TPO: variants seen among roughly 807,000 people sequenced by gnomAD.
TPO encodes the protein thyroid peroxidase.
A neutral mutation model predicts 96.9 loss-of-function variants in TPO; 78 were observed. That is an observed-to-expected ratio of 0.81 (90% CI 0.67 to 0.97). The LOEUF (loss-of-function observed/expected upper bound fraction) is 0.97, where lower values mean the gene tolerates loss of function less well. Among genes scored for constraint, TPO ranks in the 50% least tolerant of loss-of-function variants. The pLI is 0.00. For synonymous variants in TPO, 547 were observed against 538.0 expected (o/e 1.02, Z -0.23); for missense variants, 1,252 against 1,274.8 (o/e 0.98, Z 0.27).
chr2:1,380,271 G>A (rs1016738639), intron 1 of TPO, among the ~76,000 whole-genome samples: 18 of 151,640 alleles, frequency 1.2e-4, no homozygotes, highest in African/African-American at 4.1e-4. Context: ...GCGGGCGCCT[G>A]TAGTCCCAGC....
intron 10 of TPO, among the ~76,000 whole-genome samples, chr2:1,491,219 C>T (rs1481010282): frequency 1.3e-5 from 2 of 151,962 alleles, no homozygotes; most frequent in African/African-American, 4.8e-5. Context: ...TCTGCAGTGT[C>T]TCCCACAGGC....
chr2:1,453,172 C>A (rs990020953), intron 5 of TPO, among the ~76,000 whole-genome samples: 2 of 152,162 alleles, frequency 1.3e-5, no homozygotes, highest in African/African-American at 4.8e-5. Flanking sequence ...CCTTTGACAA[C>A]CCGCTCACTT....
At chr2:1,540,783 G>C in intron 16 of TPO, 60 bp downstream of exon 16, 2 of 1,612,924 alleles carry the variant, frequency 1.2e-6, no homozygotes, top group Non-Finnish European at 1.7e-6. Context: ...CAGGATCTGG[G>C]TGTCGGAGCA....
intron 7 of TPO, among the ~76,000 whole-genome samples, chr2:1,459,113 T>C (rs4927616): frequency 0.93 from 141,344 of 152,160 alleles, 65,727 homozygotes; most frequent in South Asian, 0.98. Flanking sequence ...TTTAATTTTA[T>C]TTCTCTCTGG....
chr2:1,377,954 G>T (rs898563803), intron 1 of TPO, among the ~76,000 whole-genome samples: 1 of 152,150 alleles, frequency 6.6e-6, no homozygotes, highest in Non-Finnish European at 1.5e-5. Flanking sequence ...GGAGGGACCT[G>T]GTGGGAGATA....
intron 15 of TPO, among the ~76,000 whole-genome samples, chr2:1,533,139 A>G (rs1197086663): frequency 4.8e-5 from 6 of 124,518 alleles, no homozygotes; most frequent in East Asian, 2.5e-4. Context: ...ACTGTGTGCA[A>G]CGTCCCCAAA....
chr2:1,473,799 T>C (rs1045433641), intron 7 of TPO, among the ~76,000 whole-genome samples: 5 of 152,128 alleles, frequency 3.3e-5, no homozygotes, highest in Non-Finnish European at 5.9e-5. Context: ...TTACCATTCA[T>C]GGTACTTTGC....
Position 1,540,706 on chromosome 2 carries a change from G to T in TPO, c.2731G>T (p.Ala911Ser). The stretch of plus-strand genomic sequence containing the variant: ...AGGGACCTCACCGCAGCGGGCCGCA[G>T]CTCAGGACTCGGAGCAGGTGGGCCA... ...AVGTSPQRAA[A>S]QDSEQESAGM... Residue 911 changes from alanine to serine, a missense_variant, in exon 16 of 17, where the codon GCT (alanine) becomes TCT (serine). By Grantham distance (99) the Ala-to-Ser change is moderately conservative. Transcript: ENST00000329066. 6.2e-7 allele frequency: 1 copy of T among 1,613,420 alleles called. No homozygotes were observed. Among genetic ancestry groups the T allele is most frequent in the Non-Finnish European group, 8.5e-7 (1 of 1,180,052 alleles).
intron 5 of TPO, among the ~76,000 whole-genome samples, chr2:1,448,090 T>C (rs10204647): frequency 0.52 from 78,493 of 151,984 alleles, 20,566 homozygotes; most frequent in South Asian, 0.63. Context: ...CACAGGGGTC[T>C]TGCCTGGCCT....
At chr2:1,395,126 C>T (rs1220492151) in intron 1 of TPO, among the ~76,000 whole-genome samples, 1 of 152,116 alleles carries the variant, frequency 6.6e-6, no homozygotes, top group Non-Finnish European at 1.5e-5. Context: ...AAGCATCAGC[C>T]ACTTCTCTTT....
chr2:1,424,091 G>C (rs992312351), intron 3 of TPO, among the ~76,000 whole-genome samples: 1 of 152,148 alleles, frequency 6.6e-6, no homozygotes, highest in African/African-American at 2.4e-5. Flanking sequence ...GTGTCAGGAG[G>C]TCCTGAGGAC....
intron 1 of TPO, among the ~76,000 whole-genome samples, chr2:1,403,312 T>C (rs952217993): frequency 1.3e-5 from 2 of 152,168 alleles, no homozygotes; most frequent in Non-Finnish European, 2.9e-5. Flanking sequence ...CTGGCGATGC[T>C]TGGGTCAGTC....
chr2:1,423,881 T>A (rs1379884349), intron 3 of TPO, among the ~76,000 whole-genome samples: 4 of 152,210 alleles, frequency 2.6e-5, no homozygotes, highest in Non-Finnish European at 5.9e-5. Flanking sequence ...CTATTTCTCA[T>A]AAACTCACGC....
chr2:1,521,455 GGGT>G (rs1173281058), intron 15 of TPO, among the ~76,000 whole-genome samples: 2 of 152,124 alleles, frequency 1.3e-5, no homozygotes, highest in African/African-American at 4.8e-5. Flanking sequence ...ATGGGTGACC[GGGT>G]GCCCTCTTCC....
intron 1 of TPO, among the ~76,000 whole-genome samples, chr2:1,397,950 G>T (rs1183144441): frequency 1.3e-5 from 2 of 152,150 alleles, no homozygotes; most frequent in Non-Finnish European, 2.9e-5. Flanking sequence ...TTCCAAATAT[G>T]CACCTTGTGC....
At chr2:1,439,884 A>G (rs1665971158) in intron 5 of TPO, among the ~76,000 whole-genome samples, 1 of 151,894 alleles carries the variant, frequency 6.6e-6, no homozygotes, top group Admixed American at 6.6e-5. Context: ...AACCACCCCA[A>G]AGGCATGTGT....
At chr2:1,542,115 T>C (rs1680829645) in intron 16 of TPO, 2 of 505,052 alleles carry the variant, frequency 4.0e-6, no homozygotes, top group South Asian at 4.6e-5. Flanking sequence ...TGTTCATCTG[T>C]GGTCGCAGGG....
intron 15 of TPO, among the ~76,000 whole-genome samples, chr2:1,526,687 A>AC (rs1676584047): frequency 1.5e-4 from 9 of 58,658 alleles, no homozygotes; most frequent in East Asian, 1.3e-3. Flanking sequence ...TCCTCCCCAA[A>AC]TCCCCCCCCC....
At chr2:1,530,302 C>T (rs1428302012) in intron 15 of TPO, among the ~76,000 whole-genome samples, 1 of 118,320 alleles carries the variant, frequency 8.5e-6, no homozygotes, top group African/African-American at 3.3e-5. Flanking sequence ...GTGTGAGCAA[C>T]CTCCTAAAAT....
Sources: allele counts gnomAD v4.1 joint callset (sites outside exome capture counted in the v4.1 genomes callset), GRCh38; gene constraint gnomAD v4.1.1; transcripts MANE v1.5; gene names NCBI Gene and HGNC (gene_info 2026-07-23, HGNC 2026-07-21).